The following SPAG16 variants were observed in gnomAD, a reference collection of about 807,000 sequenced individuals.
The protein encoded by SPAG16 is sperm-associated antigen 16 protein.
SPAG16 carries 86 observed loss-of-function variants against 80.4 expected under a neutral mutation model. The ratio of observed to expected loss-of-function variants is 1.07; its 90% CI spans 0.90 to 1.28. The LOEUF (loss-of-function observed/expected upper bound fraction) is 1.28, where lower values mean the gene tolerates loss of function less well. Ranked by LOEUF, SPAG16 falls within the 50% of genes most tolerant of loss-of-function variation. The pLI is 0.00. For missense variants in SPAG16, 870 were observed against 765.3 expected (o/e 1.14, Z -1.61); for synonymous variants, 294 against 265.9 (o/e 1.11, Z -1.03).
At position 214,011,794 on chromosome 2, in the gene SPAG16, A is replaced by AG. The variant is rs578183767; in HGVS notation, c.1401-2154dup. ...CTGTAATACTTAGCTTTGATGAGAA[A>AG]GGGAAGTGTTGCTAAATAATTTACA... is the stretch of plus-strand genomic sequence containing the variant. On this transcript the variant is annotated intron_variant, in intron 12 of 15. Transcript: ENST00000331683. Among the ~76,000 whole-genome samples the AG allele has an allele frequency of 2.1e-3, 322 of 152,232 alleles. 2 individuals carry two copies. Among genetic ancestry groups the AG allele is most frequent in the African/African-American group, 7.6e-3 (314 of 41,558 alleles).
At chr2:213,371,908 A>G (rs1478660707) in intron 8 of SPAG16, among the ~76,000 whole-genome samples, 2 of 152,196 alleles carry the variant, frequency 1.3e-5, no homozygotes, top group Non-Finnish European at 2.9e-5. Context: ...TTTATTACCT[A>G]ATCTGATCTG....
At chr2:214,292,409 T>G (rs1203362860) in intron 15 of SPAG16, among the ~76,000 whole-genome samples, 2 of 152,164 alleles carry the variant, frequency 1.3e-5, no homozygotes, top group African/African-American at 4.8e-5. Context: ...CATATTCAAG[T>G]TTTGAGATTC....
chr2:213,492,685 G>T (rs1030686000), intron 10 of SPAG16, among the ~76,000 whole-genome samples: 49 of 136,272 alleles, frequency 3.6e-4, no homozygotes, highest in Middle Eastern at 3.7e-3. Context: ...AAAGAAAGTT[G>T]TTTTTTTTTT....
intron 10 of SPAG16, among the ~76,000 whole-genome samples, chr2:213,500,827 C>G (rs189736351): frequency 6.6e-6 from 1 of 152,262 alleles, no homozygotes; most frequent in East Asian, 1.9e-4. Context: ...TAAAAGGTGC[C>G]CGAGCAAGGA....
In SPAG16 at chr2:213,910,544, A is replaced by G. The variant is rs1347768586; in HGVS notation, c.1215-19416A>G. Among the ~76,000 whole-genome samples, 2 of 27,762 alleles carry G rather than the reference A, an allele frequency of 7.2e-5. 1 individual carries two copies. Among genetic ancestry groups the G allele is most frequent in the African/African-American group, 1.3e-4 (2 of 15,686 alleles). The allele number at this position is 27,762 out of a possible 152,430, so 18.2% of individuals were successfully genotyped here. On this transcript the variant is annotated intron_variant, in intron 11 of 15. Transcript: ENST00000331683. ...CGCTCTGTCGCCCAGGCTGGAGTGC[A>G]GTGGCGCGATCTCGGCTCACTGCAA...
intron 5 of SPAG16, among the ~76,000 whole-genome samples, chr2:213,336,298 A>G (rs1309509021): frequency 1.3e-5 from 2 of 152,190 alleles, no homozygotes; most frequent in Admixed American, 6.5e-5. Flanking sequence ...AGGCACCAAG[A>G]CACAGTATTT....
chr2:213,496,739 T>G (rs933612161), intron 10 of SPAG16, among the ~76,000 whole-genome samples: 3 of 150,834 alleles, frequency 2.0e-5, no homozygotes, highest in Non-Finnish European at 4.4e-5. Context: ...CTTAAGTACT[T>G]AATTATATAT....
intron 10 of SPAG16, among the ~76,000 whole-genome samples, chr2:213,760,569 C>T (rs2068602235): frequency 6.6e-6 from 1 of 151,360 alleles, no homozygotes; most frequent in Non-Finnish European, 1.5e-5. Context: ...ACAATTAGAC[C>T]TAACTCTGTG....
chr2:213,840,015 G>A (rs763382251), intron 10 of SPAG16, among the ~76,000 whole-genome samples: 4 of 152,138 alleles, frequency 2.6e-5, no homozygotes, highest in African/African-American at 4.8e-5. Context: ...CAAGCTTTCA[G>A]CATTCCAGCT....
intron 13 of SPAG16, among the ~76,000 whole-genome samples, chr2:214,046,701 A>T (rs1290052961): frequency 6.6e-6 from 1 of 152,198 alleles, no homozygotes; most frequent in Non-Finnish European, 1.5e-5. Context: ...CAATCAGACA[A>T]GAGAACGAAA....
intron 15 of SPAG16, among the ~76,000 whole-genome samples, chr2:214,191,431 G>A (rs1576459308): frequency 6.6e-6 from 1 of 151,970 alleles, no homozygotes; most frequent in East Asian, 1.9e-4. Context: ...GAAAAACCAG[G>A]GCCGGGCATG....
At chr2:213,814,812 A>C (rs2072413267) in intron 10 of SPAG16, among the ~76,000 whole-genome samples, 1 of 137,166 alleles carries the variant, frequency 7.3e-6, no homozygotes, top group Non-Finnish European at 1.6e-5. Context: ...TAATAATAAT[A>C]AAGAGGGACA....
intron 10 of SPAG16, among the ~76,000 whole-genome samples, chr2:213,504,955 A>G (rs772126804): frequency 4.6e-5 from 7 of 152,204 alleles, no homozygotes; most frequent in Non-Finnish European, 8.8e-5. Flanking sequence ...TTCCAAGGCA[A>G]TGTGCTCTGT....
intron 9 of SPAG16, 166 bp downstream of exon 9, chr2:213,375,285 T>C: frequency 2.1e-6 from 1 of 478,718 alleles, no homozygotes; most frequent in Non-Finnish European, 3.7e-6. Flanking sequence ...ATGTTACTAG[T>C]AAGTAGTTAA....
intron 12 of SPAG16, among the ~76,000 whole-genome samples, chr2:213,952,694 A>G (rs2043910040): frequency 6.6e-6 from 1 of 152,094 alleles, no homozygotes; most frequent in South Asian, 2.1e-4. Context: ...ATGATAGATC[A>G]TGGAACCCAT....
intron 15 of SPAG16, among the ~76,000 whole-genome samples, chr2:214,275,766 T>A (rs1318594365): frequency 6.6e-6 from 1 of 152,202 alleles, no homozygotes; most frequent in Non-Finnish European, 1.5e-5. Context: ...GAATGTATAT[T>A]CTGTTGATTT....
At chr2:213,372,680 G>A (rs13411979) in intron 8 of SPAG16, among the ~76,000 whole-genome samples, 29,750 of 151,792 alleles carry the variant, frequency 0.2, 3,840 homozygotes, top group Non-Finnish European at 0.3. Context: ...TAGTTTACAT[G>A]TGTCCTAATC....
At chr2:214,220,980 C>A (rs1050885022) in intron 15 of SPAG16, among the ~76,000 whole-genome samples, 1 of 152,076 alleles carries the variant, frequency 6.6e-6, no homozygotes, top group Non-Finnish European at 1.5e-5. Context: ...TTCTTTTTCA[C>A]CCAATTCCCC....
intron 9 of SPAG16, among the ~76,000 whole-genome samples, chr2:213,472,996 A>T (rs1012323408): frequency 3.9e-5 from 6 of 152,152 alleles, no homozygotes; most frequent in African/African-American, 1.2e-4. Flanking sequence ...CTCCCCCTTC[A>T]TTCAAAGGGT....
Sources: allele counts gnomAD v4.1 joint callset (sites outside exome capture counted in the v4.1 genomes callset), GRCh38; gene constraint gnomAD v4.1.1; transcripts MANE v1.5; gene names NCBI Gene and HGNC (gene_info 2026-07-23, HGNC 2026-07-21).